The following GABRG3 variants were observed in gnomAD, a reference collection of about 807,000 sequenced individuals.
GABRG3 encodes the protein gamma-aminobutyric acid type A receptor subunit gamma3, also known as gamma-aminobutyric acid receptor subunit gamma-3.
Under a neutral mutation model 48.8 loss-of-function variants are expected in GABRG3, and 25 were observed. The ratio of observed to expected loss-of-function variants is 0.51; its 90% CI spans 0.37 to 0.72. GABRG3 has a LOEUF of 0.72. GABRG3 is among the 30% of genes least tolerant of loss of function. GABRG3 has a pLI of 0.00. For missense variants in GABRG3, 394 were observed against 577.9 expected, an observed-to-expected ratio of 0.68 and a Z score of 3.26; for synonymous variants, 227 against 217.6, an observed-to-expected ratio of 1.04 and a Z score of -0.38.
intron 3 of GABRG3, among the ~76,000 whole-genome samples, chr15:27,245,611 C>T (rs1048902728): frequency 3.9e-5 from 6 of 151,994 alleles, no homozygotes; most frequent in African/African-American, 1.4e-4. Flanking sequence ...TGGTGGCTCA[C>T]ACCTGTAATC....
intron 3 of GABRG3, among the ~76,000 whole-genome samples, chr15:27,315,407 C>G (rs948291770): frequency 1.3e-5 from 2 of 152,170 alleles, no homozygotes; most frequent in African/African-American, 4.8e-5. Context: ...AACTACAAAT[C>G]TGGAAGACTC....
At chr15:27,353,467 G>C (rs1894711721) in intron 5 of GABRG3, among the ~76,000 whole-genome samples, 1 of 109,546 alleles carries the variant, frequency 9.1e-6, no homozygotes, top group East Asian at 2.2e-4. Flanking sequence ...TTTTTGAGAT[G>C]GAGTTTCGCT....
At chr15:27,085,666 AAACTTTTTTTTGTTTATG>A (rs1389806237) in intron 3 of GABRG3, among the ~76,000 whole-genome samples, 1 of 152,208 alleles carries the variant, frequency 6.6e-6, no homozygotes, top group Non-Finnish European at 1.5e-5. Flanking sequence ...GATCAATAAC[AAACTTTTTTTTGTTTATG>A]AACTATGATA....
rs372013963 is a variant in GABRG3, at chr15:27,215,716, G to A, written c.271-111093G>A. Among the ~76,000 whole-genome samples, 27 of 152,272 alleles carry A rather than the reference G, an allele frequency of 1.8e-4. No individual in the cohort carries two copies. In the South Asian group the frequency reaches 2.9e-3, roughly 16 times the overall value. On this transcript the variant is annotated intron_variant, in intron 3 of 9. Coordinates refer to ENST00000615808, the MANE Select transcript of GABRG3 (RefSeq NM_033223.5). ...GAAGACCAGGGCATTCTGATTGCTC[G>A]AGTCAGGGGTGTGGGTCATGCCATG...
intron 5 of GABRG3, among the ~76,000 whole-genome samples, chr15:27,335,520 G>A (rs1156648318): frequency 6.6e-6 from 1 of 152,082 alleles, no homozygotes; most frequent in African/African-American, 2.4e-5. Context: ...GCTATACCAC[G>A]GATGTTCAGA....
At chr15:27,358,281 A>G (rs1344489515) in intron 5 of GABRG3, among the ~76,000 whole-genome samples, 2 of 152,182 alleles carry the variant, frequency 1.3e-5, no homozygotes, top group Admixed American at 6.5e-5. Context: ...TGAAAATGCT[A>G]TTTCATACAC....
chr15:26,981,985 C>G (rs1193582749), intron 2 of GABRG3, among the ~76,000 whole-genome samples: 3 of 152,176 alleles, frequency 2.0e-5, no homozygotes, highest in Admixed American at 6.5e-5. Context: ...CCCTTCATGC[C>G]TCAGTTGCCT....
At chr15:27,094,297 G>C (rs1028709330) in intron 3 of GABRG3, among the ~76,000 whole-genome samples, 4 of 152,174 alleles carry the variant, frequency 2.6e-5, no homozygotes, top group Non-Finnish European at 4.4e-5. Context: ...AAGCCGGAGT[G>C]CATGGCCCAA....
chr15:27,295,725 T>G (rs879293528), intron 3 of GABRG3, among the ~76,000 whole-genome samples: 3 of 151,478 alleles, frequency 2.0e-5, no homozygotes, highest in Non-Finnish European at 4.4e-5. Flanking sequence ...CCAGAGGGGG[T>G]CTGGTAAAGT....
intron 3 of GABRG3, among the ~76,000 whole-genome samples, chr15:27,240,969 C>T (rs1008166833): frequency 6.6e-6 from 1 of 152,170 alleles, no homozygotes; most frequent in Non-Finnish European, 1.5e-5. Context: ...AATGTTCTTA[C>T]TGAAGTTGAA....
intron 3 of GABRG3, among the ~76,000 whole-genome samples, chr15:27,143,391 A>G (rs1214816108): frequency 6.6e-6 from 1 of 152,172 alleles, no homozygotes; most frequent in Non-Finnish European, 1.5e-5. Context: ...GGTTTCTTAT[A>G]AGAAGAAGCA....
intron 3 of GABRG3, among the ~76,000 whole-genome samples, chr15:27,113,940 CA>C (rs1261196788): frequency 1.3e-5 from 2 of 152,210 alleles, no homozygotes; most frequent in East Asian, 3.9e-4. Context: ...CATTATTTTG[CA>C]AAAATGACCA....
chr15:27,075,301 C>A (rs1896892523), intron 3 of GABRG3, among the ~76,000 whole-genome samples: 1 of 152,132 alleles, frequency 6.6e-6, no homozygotes, highest in Non-Finnish European at 1.5e-5. Flanking sequence ...TAAACAAAGA[C>A]ATTTTATTTG....
intron 3 of GABRG3, among the ~76,000 whole-genome samples, chr15:27,269,089 A>G (rs919578132): frequency 6.6e-6 from 1 of 152,122 alleles, no homozygotes; most frequent in East Asian, 1.9e-4. Flanking sequence ...AGAAGCATGA[A>G]TCACATCCTT....
At chr15:27,501,013 G>C (rs576704533) in intron 6 of GABRG3, among the ~76,000 whole-genome samples, 1 of 148,000 alleles carries the variant, frequency 6.8e-6, no homozygotes, top group Non-Finnish European at 1.5e-5. Context: ...GTGCAGTGGC[G>C]CGATCTCGGC....
In GABRG3 at chr15:27,336,292, AAAG is replaced by A. The variant is rs542419584; in HGVS notation, c.574+7411_574+7413del. 3.8e-4 allele frequency among the ~76,000 whole-genome samples: 58 copies of A among 151,994 alleles called. 1 individual carries two copies. The South Asian group carries it at 7.1e-3, about 19-fold the overall frequency. ...GAAAGGAAGGAGAGACAGAGAGAGAAAAGAAGAAGGAGAAGGAGAAGAAAAGAA... is the reference window on the plus strand; with the variant it reads ...GAAAGGAAGGAGAGACAGAGAGAGAAAAGAAGGAGAAGGAGAAGAAAAGAA... On this transcript the variant is annotated intron_variant, in intron 5 of 9. Coordinates refer to ENST00000615808, the MANE Select transcript of GABRG3 (RefSeq NM_033223.5).
chr15:27,390,080 T>C (rs913091122), intron 5 of GABRG3, among the ~76,000 whole-genome samples: 1 of 152,248 alleles, frequency 6.6e-6, no homozygotes, highest in African/African-American at 2.4e-5. Flanking sequence ...AGTGAGATGT[T>C]TGTTATTTGT....
chr15:27,207,812 C>T (rs751065115), intron 3 of GABRG3, among the ~76,000 whole-genome samples: 1 of 152,202 alleles, frequency 6.6e-6, no homozygotes, highest in Non-Finnish European at 1.5e-5. Context: ...CTGCAGACCT[C>T]CTGCCCTGGC....
chr15:27,008,490 T>G (rs1342728326), intron 2 of GABRG3, among the ~76,000 whole-genome samples: 5 of 152,224 alleles, frequency 3.3e-5, no homozygotes, highest in African/African-American at 1.2e-4. Flanking sequence ...TGACAATCAC[T>G]CAGAGATTCA....
Sources: allele counts gnomAD v4.1 joint callset (sites outside exome capture counted in the v4.1 genomes callset), GRCh38; gene constraint gnomAD v4.1.1; transcripts MANE v1.5; gene names NCBI Gene and HGNC (gene_info 2026-07-23, HGNC 2026-07-21).